Variants in XKR9 observed in about 807,000 individuals in gnomAD.
XKR9 encodes the protein XK related 9, also known as XK-related protein 9.
Under a neutral mutation model 32.0 loss-of-function variants are expected in XKR9, and 32 were observed. The observed-to-expected ratio is 1.00, with a 90% CI of 0.76 to 1.34. The LOEUF (loss-of-function observed/expected upper bound fraction) is 1.34, where lower values mean the gene tolerates loss of function less well. XKR9 is among the 40% of genes most tolerant of loss of function. XKR9 has a pLI of 0.00. For missense variants in XKR9, 546 were observed against 429.7 expected, an observed-to-expected ratio of 1.27 and a Z score of -2.39; for synonymous variants, 168 against 143.4, an observed-to-expected ratio of 1.17 and a Z score of -1.22.
chr8:70,866,976 G>A, the XKR9 span, among the ~76,000 whole-genome samples: 1 of 152,128 alleles, frequency 6.6e-6, no homozygotes, highest in Admixed American at 6.6e-5. Context: ...AATTTTCCTA[G>A]GTTGGCAAGC....
chr8:70,783,393 A>AT (rs1807642710), intron 2 of XKR9, among the ~76,000 whole-genome samples: 1 of 151,812 alleles, frequency 6.6e-6, no homozygotes. Flanking sequence ...CACCCAGCTA[A>AT]TTTTTTGTAT....
chr8:71,037,011 GCCCTACAC>G, the XKR9 span, among the ~76,000 whole-genome samples: 1 of 151,880 alleles, frequency 6.6e-6, no homozygotes, highest in Non-Finnish European at 1.5e-5. Context: ...ACCACGCCTG[GCCCTACAC>G]CTTTCTTTAT....
the XKR9 span, among the ~76,000 whole-genome samples, chr8:70,855,164 A>G: frequency 6.6e-6 from 1 of 152,134 alleles, no homozygotes; most frequent in Admixed American, 6.6e-5. Context: ...AAGGCTTCAG[A>G]TGATCAAACT....
Position 70,721,610 on chromosome 8 carries a change from T to C in XKR9, c.494-12186T>C, listed in dbSNP as rs142362442. The stretch of plus-strand genomic sequence containing the variant: ...GTTCAGTTTCCATGTAGTTTTGCAG[T>C]TTTGAGTGAGTTTCTTAATCCTGAG... On this transcript the variant is annotated intron_variant, in intron 4 of 4. Coordinates refer to ENST00000408926, the MANE Select transcript of XKR9 (RefSeq NM_001011720.2). Among the ~76,000 whole-genome samples, 507 of 152,304 alleles carry C rather than the reference T, an allele frequency of 3.3e-3. 5 individuals are homozygous for C. Among genetic ancestry groups the C allele is most frequent in the African/African-American group, 0.011 (474 of 41,562 alleles).
chr8:71,010,414 G>A, the XKR9 span, among the ~76,000 whole-genome samples: 17 of 152,252 alleles, frequency 1.1e-4, no homozygotes, highest in African/African-American at 4.1e-4. Context: ...CGTTTTCCTA[G>A]GCTGGGAAGA....
At chr8:70,802,432 A>C in the XKR9 span, among the ~76,000 whole-genome samples, 1 of 152,036 alleles carries the variant, frequency 6.6e-6, no homozygotes, top group Non-Finnish European at 1.5e-5. Context: ...TCTTCATTCA[A>C]CTTGCCACTC....
At chr8:70,715,222 C>T (rs991125891) in intron 4 of XKR9, among the ~76,000 whole-genome samples, 4 of 152,128 alleles carry the variant, frequency 2.6e-5, no homozygotes, top group African/African-American at 7.2e-5. Flanking sequence ...TAAACATGTC[C>T]CCTATGCTTA....
the XKR9 span, among the ~76,000 whole-genome samples, chr8:70,864,402 A>G: frequency 6.6e-6 from 1 of 152,198 alleles, no homozygotes; most frequent in Non-Finnish European, 1.5e-5. Context: ...TTCTATGAGC[A>G]TTGTATTATA....
intron 3 of XKR9, among the ~76,000 whole-genome samples, chr8:70,700,834 C>G (rs1008953503): frequency 7.9e-5 from 12 of 152,220 alleles, no homozygotes; most frequent in African/African-American, 2.9e-4. Flanking sequence ...GTGCTGGGCT[C>G]CACGCAGTTT....
At chr8:70,740,300 C>G (rs113974430), downstream of XKR9, among the ~76,000 whole-genome samples, 3 of 152,122 alleles carry the variant, frequency 2.0e-5, no homozygotes, top group African/African-American at 7.2e-5. Flanking sequence ...AGTTCTCGAG[C>G]CTTGGTTTTC....
chr8:70,811,022 T>C, the XKR9 span, among the ~76,000 whole-genome samples: 9 of 152,122 alleles, frequency 5.9e-5, no homozygotes, highest in Admixed American at 4.6e-4. Flanking sequence ...TATTCCAAAA[T>C]TGACCACATA....
chr8:70,814,448 T>C, the XKR9 span, among the ~76,000 whole-genome samples: 1,160 of 150,364 alleles, frequency 7.7e-3, 17 homozygotes, highest in African/African-American at 0.026. Context: ...TATAATAATA[T>C]TAAAATAAAA....
chr8:70,826,539 C>G, the XKR9 span, among the ~76,000 whole-genome samples: 1,338 of 152,174 alleles, frequency 8.8e-3, 44 homozygotes, highest in East Asian at 0.11. Context: ...GGAAATTTGC[C>G]ATTTTCTACC....
chr8:70,741,185 G>T (rs1806968110), intron 2 of XKR9, among the ~76,000 whole-genome samples: 1 of 152,108 alleles, frequency 6.6e-6, no homozygotes, highest in East Asian at 1.9e-4. Context: ...GGGTGTAGGT[G>T]GTGGGGACTT....
At chr8:70,919,108 T>C in the XKR9 span, among the ~76,000 whole-genome samples, 7 of 152,078 alleles carry the variant, frequency 4.6e-5, no homozygotes, top group Non-Finnish European at 7.4e-5. Context: ...GTAGCATGAT[T>C]GGTACAGTGA....
the XKR9 span, among the ~76,000 whole-genome samples, chr8:70,992,185 T>A: frequency 6.6e-6 from 1 of 152,242 alleles, no homozygotes; most frequent in Non-Finnish European, 1.5e-5. Context: ...AACTTTATGC[T>A]TGCTTTCTGT....
In XKR9 at chr8:70,706,859, A is replaced by G. The variant is rs546820912; in HGVS notation, c.273-74A>G. 4.0e-6 allele frequency: 5 copies of G among 1,247,974 alleles called. No individual in the cohort carries two copies. In the African/African-American group the frequency reaches 6.1e-5, roughly 15 times the overall value. 77.3% of individuals were successfully genotyped at this position (1,247,974 alleles called of 1,614,324 possible). A position where few individuals can be genotyped will look rare whatever the true frequency, so the allele number is the denominator to read the frequency against. On this transcript the variant is annotated intron_variant, in intron 3 of 4. Transcript: ENST00000408926. Reference sequence around the variant, plus strand: ...CTTAAAACACATATTCCTTTTTCCAAATTATTATGTGTATTAACAGACATG... The same window carrying G: ...CTTAAAACACATATTCCTTTTTCCAGATTATTATGTGTATTAACAGACATG...
At chr8:70,694,310 G>T (rs1805182855) in intron 3 of XKR9, among the ~76,000 whole-genome samples, 1 of 152,194 alleles carries the variant, frequency 6.6e-6, no homozygotes, top group Non-Finnish European at 1.5e-5. Flanking sequence ...TTCAGCCCCT[G>T]GTTGCCTCAG....
the XKR9 span, among the ~76,000 whole-genome samples, chr8:70,853,373 T>A: frequency 1.3e-5 from 2 of 152,066 alleles, no homozygotes; most frequent in African/African-American, 4.8e-5. Flanking sequence ...TATTATTACA[T>A]TATGTGTCTG....
Sources: allele counts gnomAD v4.1 joint callset (sites outside exome capture counted in the v4.1 genomes callset), GRCh38; gene constraint gnomAD v4.1.1; transcripts MANE v1.5; gene names NCBI Gene and HGNC (gene_info 2026-07-23, HGNC 2026-07-21).